Variants in NTRK2 observed in about 807,000 individuals in gnomAD.
NTRK2 encodes the protein BDNF/NT-3 growth factors receptor.
In NTRK2, 13 loss-of-function variants were observed where a neutral mutation model predicts 94.5. That is an observed-to-expected ratio of 0.14 (90% CI 0.09 to 0.22). NTRK2 has a LOEUF of 0.22. Among genes scored for constraint, NTRK2 ranks in the 10% least tolerant of loss-of-function variants. NTRK2 has a pLI of 1.00. For missense variants in NTRK2, 639 were observed against 1,071.2 expected, an observed-to-expected ratio of 0.60 and a Z score of 5.63; for synonymous variants, 372 against 407.4, an observed-to-expected ratio of 0.91 and a Z score of 1.05.
intron 17 of NTRK2, among the ~76,000 whole-genome samples, chr9:84,996,235 G>A (rs1485025865): frequency 6.6e-6 from 1 of 152,238 alleles, no homozygotes; most frequent in Non-Finnish European, 1.5e-5. Flanking sequence ...ATTAATGTGT[G>A]TGATTAAGCA....
intron 17 of NTRK2, among the ~76,000 whole-genome samples, chr9:84,956,135 G>C (rs1824094424): frequency 6.6e-6 from 1 of 152,218 alleles, no homozygotes; most frequent in Non-Finnish European, 1.5e-5. Context: ...GCCTTTGTTT[G>C]AGATTTGAAC....
intron 12 of NTRK2, among the ~76,000 whole-genome samples, chr9:84,754,013 G>C (rs1036238377): frequency 6.6e-6 from 1 of 152,150 alleles, no homozygotes; most frequent in South Asian, 2.1e-4. Context: ...GAGAAAAAGC[G>C]TAGACATTTT....
At chr9:84,835,701 G>T (rs1400517790) in intron 12 of NTRK2, among the ~76,000 whole-genome samples, 1 of 152,244 alleles carries the variant, frequency 6.6e-6, no homozygotes, top group Non-Finnish European at 1.5e-5. Flanking sequence ...ATGGGTAACA[G>T]CAGCGTGAGG....
At chr9:84,718,378 A>G (rs2061846432) in intron 6 of NTRK2, among the ~76,000 whole-genome samples, 1 of 152,170 alleles carries the variant, frequency 6.6e-6, no homozygotes, top group Non-Finnish European at 1.5e-5. Flanking sequence ...CATACACACA[A>G]TAGAGTTGTG....
chr9:84,781,584 G>A (rs751274725), intron 12 of NTRK2, among the ~76,000 whole-genome samples: 26 of 151,976 alleles, frequency 1.7e-4, no homozygotes, highest in African/African-American at 4.8e-4. Flanking sequence ...TAACTTTGCC[G>A]GTTAAAAACA....
In NTRK2 at chr9:84,755,064, C is replaced by A. The variant is rs2064963599; in HGVS notation, c.1396+2979C>A. ...ATTGGCCTGAGATCCACCCCTTACT[C>A]CTGCAAACATTACTTATGGTATTGC... On this transcript the variant is annotated intron_variant, in intron 12 of 18. Transcript: ENST00000277120. Among the ~76,000 whole-genome samples the A allele has an allele frequency of 1.3e-5, 2 of 152,172 alleles. 1 individual carries two copies. Among genetic ancestry groups the A allele is most frequent in the South Asian group, 4.1e-4 (2 of 4,826 alleles).
At chr9:84,781,815 A>G (rs1225536567) in intron 12 of NTRK2, among the ~76,000 whole-genome samples, 4 of 152,152 alleles carry the variant, frequency 2.6e-5, no homozygotes, top group African/African-American at 9.7e-5. Flanking sequence ...GGGAGGGTCA[A>G]AACATTCAAC....
At chr9:84,844,264 G>A (rs1009810663) in intron 12 of NTRK2, among the ~76,000 whole-genome samples, 1 of 152,220 alleles carries the variant, frequency 6.6e-6, no homozygotes, top group African/African-American at 2.4e-5. Flanking sequence ...GAGCTGGAGA[G>A]GCCTGGGCCA....
intron 17 of NTRK2, among the ~76,000 whole-genome samples, chr9:84,987,655 A>G (rs1039214940): frequency 6.6e-6 from 1 of 151,964 alleles, no homozygotes; most frequent in East Asian, 1.9e-4. Context: ...GCAATGGTAA[A>G]CATGAGGAGA....
intron 9 of NTRK2, among the ~76,000 whole-genome samples, chr9:84,730,760 AC>A (rs2062807516): frequency 8.8e-6 from 1 of 113,024 alleles, no homozygotes; most frequent in African/African-American, 3.3e-5. Flanking sequence ...AAAAAAAAAA[AC>A]TAAAGAAAAA....
At chr9:84,856,337 C>A (rs979124833) in intron 12 of NTRK2, among the ~76,000 whole-genome samples, 2 of 152,100 alleles carry the variant, frequency 1.3e-5, no homozygotes, top group Non-Finnish European at 2.9e-5. Context: ...AGATTAAGAT[C>A]AAATTGAAGT....
chr9:84,850,472 C>A (rs1467380474), intron 12 of NTRK2, among the ~76,000 whole-genome samples: 1 of 152,118 alleles, frequency 6.6e-6, no homozygotes, highest in African/African-American at 2.4e-5. Context: ...AAAGCTGGAG[C>A]CAGGTCATGG....
At chr9:84,989,323 C>T (rs11140819) in intron 17 of NTRK2, among the ~76,000 whole-genome samples, 2,906 of 152,116 alleles carry the variant, frequency 0.019, 54 homozygotes, top group Middle Eastern at 0.044. Context: ...TAAAATCATC[C>T]GTTCTTCATT....
intron 12 of NTRK2, among the ~76,000 whole-genome samples, chr9:84,829,533 T>C (rs902417717): frequency 1.2e-4 from 18 of 152,176 alleles, no homozygotes; most frequent in African/African-American, 3.9e-4. Context: ...AAATCAATCA[T>C]TGTGCTCTCC....
chr9:84,779,429 G>C (rs1315443709), intron 12 of NTRK2, among the ~76,000 whole-genome samples: 4 of 152,226 alleles, frequency 2.6e-5, no homozygotes, highest in Non-Finnish European at 5.9e-5. Flanking sequence ...ATGTTGCAGA[G>C]ATCAGTTTCC....
intron 13 of NTRK2, among the ~76,000 whole-genome samples, chr9:84,864,668 AG>A (rs1167646822): frequency 1.3e-5 from 2 of 151,468 alleles, no homozygotes; most frequent in African/African-American, 4.9e-5. Context: ...GAACCAAGGA[AG>A]GGAGTCAGTG....
Position 84,847,836 on chromosome 9 carries a change from G to A in NTRK2, c.1397-13204G>A, listed in dbSNP as rs577526877. Among the ~76,000 whole-genome samples, 45 of 152,310 alleles carry A rather than the reference G, an allele frequency of 3.0e-4. 2 individuals carry two copies. In the South Asian group the frequency reaches 8.3e-3, roughly 28 times the overall value. On this transcript the variant is annotated intron_variant, in intron 12 of 18. Coordinates refer to ENST00000277120, the MANE Select transcript of NTRK2 (RefSeq NM_006180.6). ...GGAGGAGGAGGAGGAGGTGGATACT[G>A]GTTGGCAGTGAAAACAATAGACAAA...
chr9:84,757,150 CCTT>C (rs746955181), intron 12 of NTRK2, among the ~76,000 whole-genome samples: 43 of 152,204 alleles, frequency 2.8e-4, no homozygotes, highest in Middle Eastern at 3.4e-3. Flanking sequence ...GCACCCTCTT[CCTT>C]CTTCTTTTTT....
Position 84,707,868 on chromosome 9 carries a change from G to A in NTRK2, c.384G>A (p.Thr128=), listed in dbSNP as rs769637053. Residue 128 remains threonine, a synonymous_variant, in exon 5 of 19, where the codon ACG becomes ACA. Coordinates refer to ENST00000277120, the MANE Select transcript of NTRK2 (RefSeq NM_006180.6). ...QHINFTRNKL[T]SLSRKHFRHL... The stretch of plus-strand genomic sequence containing the variant: ...GCAATTTTACCCGAAACAAACTGAC[G>A]AGTTTGTCTAGGAAACATTTCCGTC... The A allele has an allele frequency of 1.6e-5, 25 of 1,612,624 alleles. No individual in the cohort carries two copies. The highest frequency in any genetic ancestry group is 1.1e-4 in the South Asian group (10 of 90,936).
Sources: allele counts gnomAD v4.1 joint callset (sites outside exome capture counted in the v4.1 genomes callset), GRCh38; gene constraint gnomAD v4.1.1; transcripts MANE v1.5; gene names NCBI Gene and HGNC (gene_info 2026-07-23, HGNC 2026-07-21).